Variants in ABHD18 observed in about 807,000 individuals in gnomAD.
The protein encoded by ABHD18 is cardiolipin-specific deacylase, mitochondrial.
In ABHD18, 55 loss-of-function variants were observed where a neutral mutation model predicts 65.9. That is an observed-to-expected ratio of 0.84 (90% CI 0.67 to 1.05). The LOEUF (loss-of-function observed/expected upper bound fraction) is 1.05. Ranked by LOEUF, ABHD18 falls within the 50% of genes least tolerant of loss-of-function variation. The pLI, the probability that ABHD18 is intolerant of heterozygous loss-of-function variation, is 0.00. For synonymous variants in ABHD18, 181 were observed against 180.2 expected, an observed-to-expected ratio of 1.00 and a Z score of -0.04; for missense variants, 533 against 558.5, an observed-to-expected ratio of 0.95 and a Z score of 0.46.
intron 7 of ABHD18, among the ~76,000 whole-genome samples, chr4:128,014,871 A>T (rs1441877035): frequency 6.6e-6 from 1 of 152,082 alleles, no homozygotes; most frequent in Non-Finnish European, 1.5e-5. Context: ...TGAGGTGAGG[A>T]GTTCGAGACC....
intron 4 of ABHD18, among the ~76,000 whole-genome samples, chr4:128,004,633 G>A (rs978656161): frequency 6.6e-6 from 1 of 151,928 alleles, no homozygotes; most frequent in East Asian, 1.9e-4. Context: ...CGTGAGAGCC[G>A]GGCGCAGTGG....
At chr4:128,027,511 T>G (rs1394105813) in intron 10 of ABHD18, among the ~76,000 whole-genome samples, 3 of 152,090 alleles carry the variant, frequency 2.0e-5, no homozygotes, top group Admixed American at 6.6e-5. Flanking sequence ...ATTTAAGCGA[T>G]TCTCCTGCCT....
At chr4:127,982,173 A>C (rs1749172779) in intron 1 of ABHD18, among the ~76,000 whole-genome samples, 1 of 147,970 alleles carries the variant, frequency 6.8e-6, no homozygotes, top group Non-Finnish European at 1.5e-5. Context: ...TCTGAGAAAA[A>C]ATAAAAAACA....
chr4:127,979,897 CAG>C (rs1171440826), intron 1 of ABHD18, among the ~76,000 whole-genome samples: 2 of 116,424 alleles, frequency 1.7e-5, no homozygotes, highest in South Asian at 2.8e-4. Context: ...GCCTGAGCGA[CAG>C]AGTGAGACTC....
At chr4:127,984,002 G>A (rs1749522014) in intron 2 of ABHD18, among the ~76,000 whole-genome samples, 1 of 151,990 alleles carries the variant, frequency 6.6e-6, no homozygotes, top group African/African-American at 2.4e-5. Flanking sequence ...TTGCGCCACT[G>A]CACTCGCCTG....
At chr4:128,022,563 G>T (rs1435400945) in intron 10 of ABHD18, among the ~76,000 whole-genome samples, 1 of 152,062 alleles carries the variant, frequency 6.6e-6, no homozygotes, top group African/African-American at 2.4e-5. Flanking sequence ...TTCATTGAAG[G>T]TTGCTGATAT....
Position 127,982,925 on chromosome 4 carries a change from A to G in ABHD18, c.-17-14A>G, listed in dbSNP as rs1749309037. On this transcript the variant is annotated splice_polypyrimidine_tract_variant and intron_variant, in intron 1 of 12. Transcript: ENST00000645843. ...ATAAAATATTTTAAAGCCATTTTAAATTTTGTTTTATAGATGCTTGTTTGC... is the reference window on the plus strand; with the variant it reads ...ATAAAATATTTTAAAGCCATTTTAAGTTTTGTTTTATAGATGCTTGTTTGC... 7.2e-7 allele frequency: 1 copy of G among 1,386,388 alleles called. No individual in the cohort carries two copies. The highest frequency in any genetic ancestry group is 1.5e-5 in the South Asian group (1 of 67,774). 85.9% of individuals were successfully genotyped at this position (1,386,388 alleles called of 1,614,324 possible). A position where few individuals can be genotyped will look rare whatever the true frequency, so the allele number is the denominator to read the frequency against.
chr4:127,967,020 A>G (rs1417827806), intron 1 of ABHD18, among the ~76,000 whole-genome samples: 1 of 152,088 alleles, frequency 6.6e-6, no homozygotes, highest in Admixed American at 6.6e-5. Flanking sequence ...TCAGATTTGT[A>G]TTATTGGTTC....
intron 7 of ABHD18, among the ~76,000 whole-genome samples, chr4:128,013,398 G>A (rs1754910811): frequency 6.6e-6 from 1 of 152,066 alleles, no homozygotes; most frequent in Non-Finnish European, 1.5e-5. Flanking sequence ...GGATGGTGTG[G>A]GAGGGAAATC....
At position 128,035,971 on chromosome 4, in the gene ABHD18, C is replaced by T. The variant is rs1217417429; in HGVS notation, c.*158C>T. 1 of 425,578 alleles carries T rather than the reference C, an allele frequency of 2.3e-6. No homozygotes were observed. The highest frequency in any genetic ancestry group is 3.3e-5 in the East Asian group (1 of 29,958). 26.4% of individuals were successfully genotyped at this position (425,578 alleles called of 1,614,324 possible). ...TTACACATCAGTTAACTATAAACTT[C>T]GAATACATTTGAATAATTTCAAGAT... is the stretch of plus-strand genomic sequence containing the variant. On this transcript the variant is annotated 3_prime_UTR_variant, in exon 13 of 13. Coordinates refer to ENST00000645843, the MANE Select transcript of ABHD18 (RefSeq NM_001358451.3).
intron 4 of ABHD18, among the ~76,000 whole-genome samples, chr4:128,000,202 C>T (rs574245484): frequency 2.5e-4 from 38 of 152,286 alleles, no homozygotes; most frequent in African/African-American, 9.1e-4. Flanking sequence ...ACCATATCAC[C>T]AAGGCTGAAC....
At chr4:127,973,634 C>T (rs950727404) in intron 1 of ABHD18, among the ~76,000 whole-genome samples, 7 of 151,936 alleles carry the variant, frequency 4.6e-5, no homozygotes, top group African/African-American at 1.7e-4. Context: ...AGGTGATTGG[C>T]TGTTATTCCC....
chr4:127,989,488 T>A (rs1750557329), intron 3 of ABHD18, among the ~76,000 whole-genome samples: 1 of 152,204 alleles, frequency 6.6e-6, no homozygotes, highest in Non-Finnish European at 1.5e-5. Context: ...TTACCCTGAT[T>A]TGATCATTAC....
In ABHD18 at chr4:128,030,681, G is replaced by C. The variant is rs755224580; in HGVS notation, c.1343+9G>C. On this transcript the variant is annotated intron_variant, in intron 12 of 12. Transcript: ENST00000645843. ...AAACAAGGACTCTTCAGGTAAGACG[G>C]CTGGTCTAAACATGTATTCGTTCAT... 13 of 1,573,772 alleles carry C rather than the reference G, an allele frequency of 8.3e-6. No individual in the cohort carries two copies. The highest frequency in any genetic ancestry group is 1.1e-5 in the Non-Finnish European group (13 of 1,168,782).
At chr4:128,003,098 G>T (rs1415694093) in intron 4 of ABHD18, among the ~76,000 whole-genome samples, 1 of 151,960 alleles carries the variant, frequency 6.6e-6, no homozygotes, top group Non-Finnish European at 1.5e-5. Context: ...GCCGGGCACG[G>T]TGGCTCACAC....
In ABHD18 at chr4:128,028,441, TTAAA is replaced by T. The variant is rs1337902043; in HGVS notation, c.802-30_802-27del. 3.5e-6 allele frequency: 5 copies of T among 1,415,952 alleles called. No individual in the cohort carries two copies. The South Asian group carries it at 8.4e-5, about 24-fold the overall frequency. The allele number at this position is 1,415,952 out of a possible 1,614,324, so 87.7% of individuals were successfully genotyped here. ...AAAGCTGTTAATACCCTATTTTATATTAAATAATGTTTTCTTTCCTTTCATATGT... is the reference window on the plus strand; with the variant it reads ...AAAGCTGTTAATACCCTATTTTATATTAATGTTTTCTTTCCTTTCATATGT... On this transcript the variant is annotated intron_variant, in intron 10 of 12. Coordinates refer to ENST00000645843, the MANE Select transcript of ABHD18 (RefSeq NM_001358451.3).
At chr4:128,030,955 A>C (rs1758120736) in intron 12 of ABHD18, 1 of 1,096,956 alleles carries the variant, frequency 9.1e-7, no homozygotes, top group Non-Finnish European at 1.1e-6. Context: ...AGGATGTGAG[A>C]AGGAAGATCA....
At position 128,030,879 on chromosome 4, in the gene ABHD18, T is replaced by A. The variant is rs1293246475; in HGVS notation, c.1343+207T>A. The A allele has an allele frequency of 2.3e-6, 3 of 1,320,470 alleles. No homozygotes were observed. The African/African-American group carries it at 4.6e-5, about 20-fold the overall frequency. 81.8% of individuals were successfully genotyped at this position (1,320,470 alleles called of 1,614,324 possible). ...TTTTCTTCTAGAGAACTAAGCATGA[T>A]GCATATTATAGGCATGCTTTATCGT... On this transcript the variant is annotated intron_variant, in intron 12 of 12. Coordinates refer to ENST00000645843, the MANE Select transcript of ABHD18 (RefSeq NM_001358451.3).
intron 1 of ABHD18, among the ~76,000 whole-genome samples, chr4:127,980,400 C>A (rs994828695): frequency 1.4e-5 from 2 of 145,632 alleles, no homozygotes; most frequent in Non-Finnish European, 3.0e-5. Flanking sequence ...TGGTGTTGCT[C>A]TGTTATAGCA....
Sources: allele counts gnomAD v4.1 joint callset (sites outside exome capture counted in the v4.1 genomes callset), GRCh38; gene constraint gnomAD v4.1.1; transcripts MANE v1.5; gene names NCBI Gene and HGNC (gene_info 2026-07-23, HGNC 2026-07-21).